Variants in TK2 observed in about 807,000 individuals in gnomAD.
TK2 encodes thymidine kinase 2, also known as thymidine kinase 2, mitochondrial.
A neutral mutation model predicts 41.9 loss-of-function variants in TK2; 35 were observed. That is an observed-to-expected ratio of 0.84 (90% CI 0.64 to 1.11). The LOEUF (loss-of-function observed/expected upper bound fraction) is 1.11. TK2 is among the 50% of genes least tolerant of loss of function. The pLI, the probability that TK2 is intolerant of heterozygous loss-of-function variation, is 0.00. For synonymous variants in TK2, 128 were observed against 129.1 expected (o/e 0.99, Z 0.06); for missense variants, 320 against 351.1 (o/e 0.91, Z 0.71).
At chr16:66,520,465 A>G (rs1964747575) in intron 6 of TK2, among the ~76,000 whole-genome samples, 1 of 152,194 alleles carries the variant, frequency 6.6e-6, no homozygotes, top group African/African-American at 2.4e-5. Flanking sequence ...AAGCCAAGCT[A>G]AGTCAATCAG....
chr16:66,526,819 GAC>G (rs1964947111), intron 6 of TK2, among the ~76,000 whole-genome samples: 1 of 152,186 alleles, frequency 6.6e-6, no homozygotes, highest in Non-Finnish European at 1.5e-5. Context: ...GTGATTAAAA[GAC>G]AGACACAGCC....
intron 3 of TK2, among the ~76,000 whole-genome samples, chr16:66,541,440 T>C (rs986904835): frequency 6.6e-6 from 1 of 152,244 alleles, no homozygotes. Flanking sequence ...TTTTTCTTTT[T>C]TTGAGACAGG....
chr16:66,518,699 T>C (rs2144359853), intron 6 of TK2, among the ~76,000 whole-genome samples: 1 of 152,298 alleles, frequency 6.6e-6, no homozygotes, highest in African/African-American at 2.4e-5. Flanking sequence ...AAATTTCAAA[T>C]CTAATGTTCA....
intron 4 of TK2, among the ~76,000 whole-genome samples, chr16:66,532,995 T>C (rs1323974485): frequency 6.6e-6 from 1 of 152,136 alleles, no homozygotes. Flanking sequence ...CTATAGTAGC[T>C]GTACTAATTT....
intron 5 of TK2, among the ~76,000 whole-genome samples, chr16:66,530,634 T>G (rs1262810223): frequency 6.6e-6 from 1 of 152,148 alleles, no homozygotes; most frequent in Non-Finnish European, 1.5e-5. Context: ...CCTGGAGGGC[T>G]TGATAAAACA....
chr16:66,517,941 C>T lies in TK2; in HGVS notation c.450-64G>A. Reference sequence around the variant, plus strand: ...AAACTTCTGGGCTATGCAATTCCCCCAAAAGGATCTTGAGACGGCTCTCAA... The same window carrying T: ...AAACTTCTGGGCTATGCAATTCCCCTAAAAGGATCTTGAGACGGCTCTCAA... On this transcript the variant is annotated intron_variant, in intron 6 of 9. Coordinates refer to ENST00000544898, the MANE Select transcript of TK2 (RefSeq NM_004614.5). The surrounding 1 kb of genome is among the most constrained non-coding windows in gnomAD (Gnocchi z 4.3). 2 of 1,374,634 alleles carry T rather than the reference C, an allele frequency of 1.5e-6. No homozygotes were observed. Among genetic ancestry groups the T allele is most frequent in the Non-Finnish European group, 2.1e-6 (2 of 961,868 alleles). The allele number at this position is 1,374,634 out of a possible 1,614,324, so 85.2% of individuals were successfully genotyped here.
intron 6 of TK2, among the ~76,000 whole-genome samples, chr16:66,526,168 G>C (rs542547697): frequency 2.0e-5 from 3 of 152,314 alleles, no homozygotes; most frequent in Non-Finnish European, 4.4e-5. Context: ...TACAGGTTTG[G>C]GGGTAGGATT....
upstream of TK2, chr16:66,550,180 G>A: frequency 6.2e-7 from 1 of 1,612,410 alleles, no homozygotes; most frequent in Non-Finnish European, 8.5e-7. Context: ...AAAGAGACCC[G>A]GTCGCATTTC....
Position 66,550,045 on chromosome 16 carries a change from A to G in TK2, c.17T>C (p.Leu6Pro), listed in dbSNP as rs779367525. The G allele has an allele frequency of 3.2e-6, 5 of 1,568,614 alleles. No homozygotes were observed. Among genetic ancestry groups the G allele is most frequent in the South Asian group, 1.2e-5 (1 of 85,804 alleles). Residue 6 changes from leucine to proline, a missense_variant, in exon 1 of 10, where the codon CTG becomes CCG. Coordinates refer to ENST00000544898, the MANE Select transcript of TK2 (RefSeq NM_004614.5). MLLWP[L>P]RGWAARALRC... is the part of the protein sequence containing the mutation. ...CAGCGCCCGGGCGGCCCAGCCCCGC[A>G]GCGGCCACAGCAGCATAGCCGGGCG...
At chr16:66,513,935 T>C in intron 8 of TK2, 124 bp from the exon 9 acceptor site, 3 of 844,250 alleles carry the variant, frequency 3.6e-6, no homozygotes, top group South Asian at 1.4e-5. Flanking sequence ...AAAGGAACCC[T>C]GCAAGAGCAA....
intron 6 of TK2, among the ~76,000 whole-genome samples, chr16:66,528,189 CA>C: frequency 6.6e-6 from 1 of 152,244 alleles, no homozygotes; most frequent in East Asian, 1.9e-4. Context: ...GACATCCGAA[CA>C]GCTCTGCGAG....
chr16:66,512,205 G>T, intron 9 of TK2, 139 bp from the exon 10 acceptor site: 2 of 778,092 alleles, frequency 2.6e-6, no homozygotes, highest in South Asian at 1.4e-5. Context: ...AAAAAGGAAG[G>T]TTAGAGCCAA....
At position 66,517,147 on chromosome 16, in the gene TK2, C is replaced by A. The variant is rs1324233462; in HGVS notation, c.607G>T (p.Val203Phe). ...LKKRCREEEK[V>F]IPLEYLEAIH... ...AAGAGGCCTCTTACCAGCGGAATGA[C>A]CTTCTCCTCTTCCCTGCATCTCTTC... is the stretch of plus-strand genomic sequence containing the variant. The change falls in exon 8 of 10, where the codon GTC (valine) becomes TTC (phenylalanine). Residue 203 changes from valine (V) to phenylalanine (F), a missense_variant. Coordinates refer to ENST00000544898, the MANE Select transcript of TK2 (RefSeq NM_004614.5). This position sits in a 1 kb window ranked among gnomAD's most constrained non-coding sequence, Gnocchi z 4.3. The A allele has an allele frequency of 1.9e-6, 3 of 1,614,174 alleles. No homozygotes were observed. The highest frequency in any genetic ancestry group is 1.7e-5 in the Admixed American group (1 of 60,028).
At chr16:66,549,502 T>C in intron 1 of TK2, 9 of 1,034,424 alleles carry the variant, frequency 8.7e-6, no homozygotes, top group Non-Finnish European at 1.0e-5. Context: ...CAGTGACCCG[T>C]TTCTGTGTGG....
chr16:66,519,683 C>T (rs1964722942), intron 6 of TK2, among the ~76,000 whole-genome samples: 1 of 152,220 alleles, frequency 6.6e-6, no homozygotes, highest in South Asian at 2.1e-4. Flanking sequence ...AGGCAGACAA[C>T]CCTCACAGGC....
chr16:66,549,772 CG>C, intron 1 of TK2, 165 bp downstream of exon 1: 1 of 1,280,668 alleles, frequency 7.8e-7, no homozygotes, highest in Non-Finnish European at 9.8e-7. Context: ...TGCGGTCTCG[CG>C]CCCGGGTAAC....
chr16:66,524,498 G>C (rs1001289698), intron 6 of TK2, among the ~76,000 whole-genome samples: 1 of 152,106 alleles, frequency 6.6e-6, no homozygotes, highest in Non-Finnish European at 1.5e-5. Flanking sequence ...ACCAGGCCCA[G>C]CTAATTTTTT....
intron 1 of TK2, chr16:66,549,219 C>G (rs1180850663): frequency 6.3e-6 from 9 of 1,430,322 alleles, no homozygotes; most frequent in Non-Finnish European, 6.4e-6. Context: ...TCGTGGACCC[C>G]CAGTGTGCTC....
At position 66,549,223 on chromosome 16, in the gene TK2, T is replaced by C; in HGVS notation, c.125-214A>G. ...CAGCTGCAGCTTCGTGGACCCCCAG[T>C]GTGCTCGAGTTCTTTCACTTAGTAC... On this transcript the variant is annotated intron_variant, in intron 1 of 9. Coordinates refer to ENST00000544898, the MANE Select transcript of TK2 (RefSeq NM_004614.5). 6 of 1,425,918 alleles carry C rather than the reference T, an allele frequency of 4.2e-6. No homozygotes were observed. In the Middle Eastern group the frequency reaches 5.5e-4, roughly 131 times the overall value. 88.3% of individuals were successfully genotyped at this position (1,425,918 alleles called of 1,614,324 possible).
Sources: gnomAD v4.1 joint callset for allele counts (sites outside exome capture counted in the v4.1 genomes callset) on GRCh38, gnomAD v4.1.1 for gene constraint, Gnocchi (gnomAD v3.1) non-coding constraint, MANE v1.5 for transcripts, NCBI Gene and HGNC (gene_info 2026-07-23, HGNC 2026-07-21) for gene names.